KDM4A: variants seen among roughly 807,000 people sequenced by gnomAD.
KDM4A encodes lysine demethylase 4A, also known as lysine-specific demethylase 4A.
KDM4A carries 23 observed loss-of-function variants against 127.1 expected under a neutral mutation model. That is an observed-to-expected ratio of 0.18 (90% CI 0.13 to 0.26). KDM4A has a LOEUF of 0.26. Among genes scored for constraint, KDM4A ranks in the 10% least tolerant of loss-of-function variants. The pLI is 1.00. For missense variants in KDM4A, 890 were observed against 1,329.1 expected (o/e 0.67, Z 5.14); for synonymous variants, 443 against 466.5 (o/e 0.95, Z 0.65).
intron 8 of KDM4A, 88 bp from the exon 9 acceptor site, chr1:43,667,684 T>C: frequency 1.3e-6 from 2 of 1,548,322 alleles, no homozygotes. Flanking sequence ...TGCACTTGTT[T>C]CCATGTGGAG....
rs1661181269 is a variant in KDM4A at position 43,694,004 on chromosome 1, G to A, written c.2386G>A (p.Val796Ile). 5 of 1,614,196 alleles carry A rather than the reference G, an allele frequency of 3.1e-6. No homozygotes were observed. The highest frequency in any genetic ancestry group is 2.2e-5 in the East Asian group (1 of 44,888). ...QRANDDRWVH[V>I]SCAVAILEAR... is the part of the protein sequence containing the mutation. ...TTTGCCTTTTGGCAGGTGGGTCCAC[G>A]TTTCATGTGCTGTGGCAATTCTGGA... The change falls in exon 17 of 22, where the codon GTT (valine) becomes ATT (isoleucine). Residue 796 changes from valine to isoleucine, a missense_variant. Around this residue, in one of 7 missense-constraint regions of KDM4A, gnomAD observed 246 missense variants for 418.4 expected, o/e 0.59. Coordinates refer to ENST00000372396, the MANE Select transcript of KDM4A (RefSeq NM_014663.3). This position sits in a 1 kb window ranked among gnomAD's most constrained non-coding sequence, Gnocchi z 5.2.
chr1:43,666,821 A>G, intron 7 of KDM4A, 133 bp from the exon 8 acceptor site: 1 of 850,362 alleles, frequency 1.2e-6, no homozygotes, highest in Non-Finnish European at 1.9e-6. Context: ...TGCATTTTAT[A>G]GAAGACAGCA....
intron 12 of KDM4A, among the ~76,000 whole-genome samples, chr1:43,687,951 A>G (rs1661025718): frequency 6.6e-6 from 1 of 151,440 alleles, no homozygotes; most frequent in Non-Finnish European, 1.5e-5. Flanking sequence ...ATGACCAGGG[A>G]TATATAAAGG....
intron 2 of KDM4A, 61 bp downstream of exon 2, chr1:43,653,374 T>TC (rs1660164485): frequency 2.1e-5 from 32 of 1,496,412 alleles, no homozygotes; most frequent in Non-Finnish European, 2.8e-5. Flanking sequence ...AAGATTTTTT[T>TC]CCTACATTTG....
In KDM4A at chr1:43,693,020, C is replaced by A. The variant is rs1367274693; in HGVS notation, c.2375+709C>A. On this transcript the variant is annotated intron_variant, in intron 16 of 21. Coordinates refer to ENST00000372396, the MANE Select transcript of KDM4A (RefSeq NM_014663.3). This position sits in a 1 kb window ranked among gnomAD's most constrained non-coding sequence, Gnocchi z 4.2. Reference sequence around the variant, plus strand: ...TGGCAACTTGCAGCATATGTTCAGTCCAGCCGCCTGCCCTCAAGAGTCCCA... The same window carrying A: ...TGGCAACTTGCAGCATATGTTCAGTACAGCCGCCTGCCCTCAAGAGTCCCA... 6.6e-6 allele frequency among the ~76,000 whole-genome samples: 1 copy of A among 152,194 alleles called. No homozygotes were observed. Among genetic ancestry groups the A allele is most frequent in the Non-Finnish European group, 1.5e-5 (1 of 68,048 alleles).
At chr1:43,663,113 G>C in intron 5 of KDM4A, 26 bp downstream of exon 5, 1 of 1,594,412 alleles carries the variant, frequency 6.3e-7, no homozygotes, top group Non-Finnish European at 8.6e-7. Context: ...AGTCGGCACC[G>C]GGCTTCTATG....
chr1:43,701,977 A>G (rs1280933124), intron 19 of KDM4A: 1 of 152,248 alleles, frequency 6.6e-6, no homozygotes, highest in Admixed American at 6.5e-5. Context: ...ATATTGTTAC[A>G]TGCAATCTAG....
At chr1:43,701,470 CT>C (rs1362065073) in intron 19 of KDM4A, among the ~76,000 whole-genome samples, 1 of 152,088 alleles carries the variant, frequency 6.6e-6, no homozygotes, top group Non-Finnish European at 1.5e-5. Flanking sequence ...TTGTCAGTCA[CT>C]TTTTTCTTTT....
chr1:43,669,014 T>C (rs1660560532), intron 9 of KDM4A, 86 bp from the exon 10 acceptor site: 2 of 1,376,208 alleles, frequency 1.5e-6, no homozygotes, highest in Non-Finnish European at 2.0e-6. Context: ...GCCATTCACT[T>C]TGGGTTGTGT....
At position 43,672,046 on chromosome 1, in the gene KDM4A, G is replaced by C. The variant is rs527454755; in HGVS notation, c.1734+171G>C. Among the ~76,000 whole-genome samples, 5 of 152,300 alleles carry C rather than the reference G, an allele frequency of 3.3e-5. No homozygotes were observed. In the South Asian group the frequency reaches 1.0e-3, roughly 32 times the overall value. ...CCAGCAGTGGTTGTGTCAAACAAAA[G>C]CCTGGGGTGGCATTCACTCTCCCAG... On this transcript the variant is annotated intron_variant, in intron 11 of 21. Coordinates refer to ENST00000372396, the MANE Select transcript of KDM4A (RefSeq NM_014663.3).
intron 12 of KDM4A, among the ~76,000 whole-genome samples, chr1:43,684,747 G>A (rs1660933226): frequency 1.3e-5 from 2 of 152,180 alleles, no homozygotes; most frequent in Non-Finnish European, 2.9e-5. Context: ...TTTAAGCAGA[G>A]GAATGACAGA....
Position 43,697,516 on chromosome 1 carries a change from C to T in KDM4A, c.2671-327C>T, listed in dbSNP as rs550152379. ...AGTCTCTCCTTCGATACTTTGATGT[C>T]AGTTCTTGGCAAGATCAGAGGTCCA... On this transcript the variant is annotated intron_variant, in intron 18 of 21. Coordinates refer to ENST00000372396, the MANE Select transcript of KDM4A (RefSeq NM_014663.3). 7.9e-5 allele frequency among the ~76,000 whole-genome samples: 12 copies of T among 152,320 alleles called. No homozygotes were observed. In the South Asian group the frequency reaches 2.5e-3, roughly 32 times the overall value.
chr1:43,700,092 T>G (rs1048632122), intron 19 of KDM4A: 2 of 152,044 alleles, frequency 1.3e-5, no homozygotes, highest in African/African-American at 4.8e-5. Flanking sequence ...AGGAAGAAAA[T>G]TCAGCCTTGC....
intron 4 of KDM4A, among the ~76,000 whole-genome samples, 169 bp downstream of exon 4, chr1:43,660,581 C>T (rs992822253): frequency 6.6e-6 from 1 of 152,134 alleles, no homozygotes; most frequent in African/African-American, 2.4e-5. Flanking sequence ...GGCCATTTTG[C>T]ATGTGACTGA....
chr1:43,682,417 C>T (rs368043830), intron 11 of KDM4A, among the ~76,000 whole-genome samples: 10 of 152,108 alleles, frequency 6.6e-5, no homozygotes, highest in Non-Finnish European at 8.8e-5. Context: ...GATATAGTTC[C>T]GGTCTGATTA....
intron 19 of KDM4A, among the ~76,000 whole-genome samples, chr1:43,700,744 G>A (rs1017929232): frequency 6.6e-6 from 1 of 151,684 alleles, no homozygotes; most frequent in Non-Finnish European, 1.5e-5. Flanking sequence ...GTTAGTTGCA[G>A]TGTGGAATCT....
At chr1:43,689,555 G>A (rs1661062781) in intron 13 of KDM4A, among the ~76,000 whole-genome samples, 1 of 152,242 alleles carries the variant, frequency 6.6e-6, no homozygotes. Flanking sequence ...CTTGGGAGGG[G>A]TGGAAGCAAG....
intron 19 of KDM4A, among the ~76,000 whole-genome samples, chr1:43,703,212 G>A (rs1256011117): frequency 6.6e-6 from 1 of 151,896 alleles, no homozygotes; most frequent in Non-Finnish European, 1.5e-5. Context: ...AAAGTGCTGC[G>A]ATTACAGGCA....
intron 8 of KDM4A, 94 bp from the exon 9 acceptor site, chr1:43,667,678 C>T: frequency 2.0e-6 from 3 of 1,525,022 alleles, no homozygotes; most frequent in Non-Finnish European, 2.7e-6. Flanking sequence ...CCATCTTGCA[C>T]TTGTTTCCAT....
Sources: gnomAD v4.1 joint callset for allele counts (sites outside exome capture counted in the v4.1 genomes callset) on GRCh38, gnomAD v4.1.1 for gene constraint, gnomAD v4.1.1 regional missense constraint, Gnocchi (gnomAD v3.1) non-coding constraint, MANE v1.5 for transcripts, NCBI Gene and HGNC (gene_info 2026-07-23, HGNC 2026-07-21) for gene names.